Variants in PSD3 observed in about 807,000 individuals in gnomAD.
The protein encoded by PSD3 is pleckstrin and Sec7 domain containing 3.
Under a neutral mutation model 105.5 loss-of-function variants are expected in PSD3, and 49 were observed. That is an observed-to-expected ratio of 0.46 (90% CI 0.37 to 0.59). The LOEUF (loss-of-function observed/expected upper bound fraction) is 0.59, where lower values mean the gene tolerates loss of function less well. Among genes scored for constraint, PSD3 ranks in the 20% least tolerant of loss-of-function variants. PSD3 has a pLI of 0.00. For missense variants in PSD3, 1,561 were observed against 1,263.8 expected, an observed-to-expected ratio of 1.24 and a Z score of -3.57; for synonymous variants, 557 against 457.8, an observed-to-expected ratio of 1.22 and a Z score of -2.77.
intron 15 of PSD3, among the ~76,000 whole-genome samples, chr8:18,540,254 G>T (rs981615191): frequency 3.3e-5 from 5 of 152,194 alleles, no homozygotes; most frequent in Non-Finnish European, 7.3e-5. Flanking sequence ...AAGACATAAT[G>T]CAATTGTACA....
chr8:18,705,762 G>T (rs1424506107), intron 9 of PSD3, among the ~76,000 whole-genome samples: 1 of 152,024 alleles, frequency 6.6e-6, no homozygotes, highest in Admixed American at 6.5e-5. Context: ...ACTATTCTTT[G>T]GGGAGGAGTT....
chr8:19,046,509 C>T (rs1391211696), intron 1 of PSD3, among the ~76,000 whole-genome samples: 3 of 152,160 alleles, frequency 2.0e-5, no homozygotes, highest in Admixed American at 6.5e-5. Context: ...AGTTAAGTTC[C>T]CAGCATCATG....
intron 2 of PSD3, among the ~76,000 whole-genome samples, chr8:18,897,207 T>C (rs1023683359): frequency 7.2e-5 from 11 of 152,224 alleles, no homozygotes; most frequent in Non-Finnish European, 5.9e-5. Flanking sequence ...TTTTTTCATA[T>C]ACCTGTTGGC....
intron 9 of PSD3, among the ~76,000 whole-genome samples, chr8:18,722,477 C>T (rs1348860709): frequency 6.6e-6 from 1 of 152,088 alleles, no homozygotes; most frequent in Non-Finnish European, 1.5e-5. Flanking sequence ...TAAAAGGTTT[C>T]CCTTCAAGTG....
At chr8:18,758,441 C>A (rs1188306541) in intron 9 of PSD3, among the ~76,000 whole-genome samples, 1 of 143,172 alleles carries the variant, frequency 7.0e-6, no homozygotes, top group Admixed American at 7.0e-5. Context: ...TAAGAAGAAT[C>A]ATTACAGCTT....
chr8:18,745,038 T>A (rs2898480), intron 9 of PSD3, among the ~76,000 whole-genome samples: 115,292 of 152,148 alleles, frequency 0.76, 44,922 homozygotes, highest in Non-Finnish European at 0.86. Flanking sequence ...AGTGATGTTA[T>A]CTTCTCCTTT....
At chr8:18,929,570 G>A (rs995583087) in intron 2 of PSD3, among the ~76,000 whole-genome samples, 9 of 152,096 alleles carry the variant, frequency 5.9e-5, no homozygotes, top group African/African-American at 1.9e-4. Flanking sequence ...CCACCTCGTA[G>A]AAACCCATTC....
chr8:18,938,214 A>G (rs1015820413), intron 1 of PSD3, among the ~76,000 whole-genome samples: 2 of 152,250 alleles, frequency 1.3e-5, no homozygotes, highest in African/African-American at 4.8e-5. Context: ...CAGAGATATC[A>G]GCTAGAAATC....
At chr8:18,739,421 T>C (rs1017907086) in intron 9 of PSD3, among the ~76,000 whole-genome samples, 2 of 152,150 alleles carry the variant, frequency 1.3e-5, no homozygotes, top group East Asian at 1.9e-4. Context: ...CACATGTAAA[T>C]ACAGTGCCTT....
At chr8:18,934,897 AC>A (rs1448999712) in intron 2 of PSD3, among the ~76,000 whole-genome samples, 2 of 152,354 alleles carry the variant, frequency 1.3e-5, no homozygotes, top group African/African-American at 4.8e-5. Flanking sequence ...GAAATTCAAT[AC>A]AAAGCTATTT....
intron 12 of PSD3, among the ~76,000 whole-genome samples, chr8:18,599,398 T>C (rs1439113897): frequency 6.6e-6 from 1 of 152,192 alleles, no homozygotes; most frequent in East Asian, 1.9e-4. Context: ...TCTGGGTATT[T>C]ATCCACAAGA....
chr8:18,675,325 G>A (rs555779118), intron 9 of PSD3, among the ~76,000 whole-genome samples: 2 of 152,272 alleles, frequency 1.3e-5, no homozygotes, highest in Non-Finnish European at 2.9e-5. Flanking sequence ...TAGAGCTGAC[G>A]CTGACACCAC....
intron 8 of PSD3, among the ~76,000 whole-genome samples, chr8:18,786,079 C>T (rs964457837): frequency 6.6e-6 from 1 of 152,092 alleles, no homozygotes; most frequent in African/African-American, 2.4e-5. Flanking sequence ...AAAAGTTTCC[C>T]TGTGGTCCCA....
chr8:18,625,809 G>A lies in PSD3; in HGVS notation c.2410+6804C>T, dbSNP rs554963207. Among the ~76,000 whole-genome samples, 4 of 152,144 alleles carry A rather than the reference G, an allele frequency of 2.6e-5. No homozygotes were observed. The South Asian group carries it at 8.3e-4, about 32-fold the overall frequency. On this transcript the variant is annotated intron_variant, in intron 11 of 15. Coordinates refer to ENST00000327040, the MANE Select transcript of PSD3 (RefSeq NM_015310.4). The stretch of plus-strand genomic sequence containing the variant: ...GGACAATAATAATATCTGCTTTATA[G>A]GACCAAGATTAAATGTATTAATGCA...
At chr8:18,581,314 T>C (rs1252211545) in intron 12 of PSD3, among the ~76,000 whole-genome samples, 1 of 152,216 alleles carries the variant, frequency 6.6e-6, no homozygotes, top group Non-Finnish European at 1.5e-5. Flanking sequence ...CCATGAACGC[T>C]TCACATTCCC....
At chr8:18,838,892 A>G (rs1032409082) in intron 4 of PSD3, among the ~76,000 whole-genome samples, 13 of 151,502 alleles carry the variant, frequency 8.6e-5, no homozygotes, top group Non-Finnish European at 1.8e-4. Context: ...ACAAGCTAGT[A>G]AACTGCATTT....
chr8:18,660,991 C>T (rs557556049), intron 9 of PSD3, among the ~76,000 whole-genome samples: 9 of 152,266 alleles, frequency 5.9e-5, no homozygotes, highest in African/African-American at 1.4e-4. Flanking sequence ...TTCTCAGAGA[C>T]GATAAAATGC....
rs528914151 is a variant in PSD3 at position 19,029,102 on chromosome 8, T to C, written c.324+55104A>G. Reference sequence around the variant, plus strand: ...TTGAGATCAAGTAGTGTAAGTATTCTAAATTTGTTCTCCAGTTAAAAATTG... The same window carrying C: ...TTGAGATCAAGTAGTGTAAGTATTCCAAATTTGTTCTCCAGTTAAAAATTG... On this transcript the variant is annotated intron_variant, in intron 1 of 1. Coordinates refer to the PSD3 transcript ENST00000521475. 4.1e-4 allele frequency among the ~76,000 whole-genome samples: 62 copies of C among 152,336 alleles called. No homozygotes were observed. In the South Asian group the frequency reaches 0.012, roughly 30 times the overall value.
At chr8:18,636,133 T>C (rs575259534) in intron 10 of PSD3, among the ~76,000 whole-genome samples, 3 of 152,226 alleles carry the variant, frequency 2.0e-5, no homozygotes, top group South Asian at 2.1e-4. Context: ...AGTGGGACAA[T>C]ACATGAGGCG....
Sources: allele counts gnomAD v4.1 joint callset (sites outside exome capture counted in the v4.1 genomes callset), GRCh38; gene constraint gnomAD v4.1.1; transcripts MANE v1.5; gene names NCBI Gene and HGNC (gene_info 2026-07-23, HGNC 2026-07-21).